The following CCNG2 variants were observed in gnomAD, a reference collection of about 807,000 sequenced individuals.
CCNG2 encodes the protein cyclin G2, also known as cyclin-G2.
In CCNG2, 20 loss-of-function variants were observed where a neutral mutation model predicts 36.5. The observed-to-expected ratio is 0.55, with a 90% CI of 0.39 to 0.80. CCNG2 has a LOEUF of 0.80. CCNG2 is among the 30% of genes least tolerant of loss of function. The pLI is 0.00. For synonymous variants in CCNG2, 155 were observed against 140.1 expected (o/e 1.11, Z -0.75); for missense variants, 358 against 390.8 (o/e 0.92, Z 0.71).
chr4:77,158,411 C>T (rs1337756896), intron 1 of CCNG2, 122 bp from the exon 2 acceptor site: 1 of 940,388 alleles, frequency 1.1e-6, no homozygotes, highest in Non-Finnish European at 1.7e-6. Flanking sequence ...GTCCCTTCAC[C>T]CGCTCCTTGT....
intron 7 of CCNG2, among the ~76,000 whole-genome samples, chr4:77,165,358 T>G: frequency 6.6e-6 from 1 of 152,214 alleles, no homozygotes; most frequent in East Asian, 1.9e-4. Context: ...AGTTATTAAT[T>G]GGTACAAGAA....
At chr4:77,162,526 G>T (rs1383835067) in intron 6 of CCNG2, among the ~76,000 whole-genome samples, 1 of 151,944 alleles carries the variant, frequency 6.6e-6, no homozygotes, top group African/African-American at 2.4e-5. Flanking sequence ...GGGGCTACAG[G>T]TGCTCACCAC....
At chr4:77,157,750 C>A (rs1577902365) in intron 1 of CCNG2, among the ~76,000 whole-genome samples, 1 of 152,082 alleles carries the variant, frequency 6.6e-6, no homozygotes, top group South Asian at 2.1e-4. Flanking sequence ...CGGTGCCCCC[C>A]GCCCCCGCTC....
Position 77,166,061 on chromosome 4 carries a change from A to G in CCNG2, c.*137A>G. 1 of 778,634 alleles carries G rather than the reference A, an allele frequency of 1.3e-6. No homozygotes were observed. The highest frequency in any genetic ancestry group is 2.1e-5 in the South Asian group (1 of 47,804). 48.2% of individuals were successfully genotyped at this position (778,634 alleles called of 1,614,324 possible). Reference sequence around the variant, plus strand: ...TACCTACCTTCTATTTGTTATTCAGATCAGATCTGGCCTATTTTCATATTT... The same window carrying G: ...TACCTACCTTCTATTTGTTATTCAGGTCAGATCTGGCCTATTTTCATATTT... On this transcript the variant is annotated 3_prime_UTR_variant, in exon 8 of 8. Transcript: ENST00000316355.
At chr4:77,161,876 C>T (rs1483246260) in intron 6 of CCNG2, 129 bp downstream of exon 6, 1 of 627,724 alleles carries the variant, frequency 1.6e-6, no homozygotes, top group Non-Finnish European at 2.7e-6. Context: ...TCTTATATCT[C>T]TAGTGTTAAA....
chr4:77,164,525 A>G, intron 7 of CCNG2, 46 bp downstream of exon 7: 1 of 1,391,666 alleles, frequency 7.2e-7, no homozygotes, highest in Non-Finnish European at 1.0e-6. Context: ...ACTAAATATT[A>G]CTGAGTTTAT....
chr4:77,164,310 G>A lies in CCNG2; in HGVS notation c.742G>A (p.Val248Ile). 6.2e-7 allele frequency: 1 copy of A among 1,613,978 alleles called. No individual in the cohort carries two copies. Among genetic ancestry groups the A allele is most frequent in the South Asian group, 1.1e-5 (1 of 91,080 alleles). ...DTEFFYWREL[V>I]SKCLAEYSSP... ...TGAGTTCTTCTACTGGAGAGAGTTG[G>A]TTTCTAAATGCCTAGCCGAGTATTC... Residue 248 changes from valine to isoleucine, a missense_variant, in exon 7 of 8, where the codon GTT becomes ATT. Val to Ile is a conservative substitution (Grantham distance 29). Coordinates refer to ENST00000316355, the MANE Select transcript of CCNG2 (RefSeq NM_004354.3).
In CCNG2 at chr4:77,157,274, G is replaced by A. The variant is rs2306410; in HGVS notation, c.-233G>A. 13,391 of 152,516 alleles carry A rather than the reference G, an allele frequency of 0.088. 674 individuals carry two copies. The highest frequency in any genetic ancestry group is 0.14 in the African/African-American group (5,898 of 41,518). The allele number at this position is 152,516 out of a possible 1,614,324, so 9.4% of individuals were successfully genotyped here. On this transcript the variant is annotated 5_prime_UTR_variant, in exon 1 of 8. Coordinates refer to ENST00000316355, the MANE Select transcript of CCNG2 (RefSeq NM_004354.3). ...GCGGCGGGGGTGCGGCGGTGGGCTG[G>A]TCTTCCGCGGCCGGCGTTGCGCCGC...
chr4:77,166,648 GT>G lies in CCNG2; in HGVS notation c.*728del, dbSNP rs1731641285. On this transcript the variant is annotated 3_prime_UTR_variant, in exon 8 of 8. Coordinates refer to ENST00000316355, the MANE Select transcript of CCNG2 (RefSeq NM_004354.3). ...TACTTTAAAAATCCATAATCTGCTA[GT>G]TTTGCATGTACTTATATGAAAACAG... is the stretch of plus-strand genomic sequence containing the variant. 6.6e-6 allele frequency: 1 copy of G among 152,124 alleles called. No individual in the cohort carries two copies. Among genetic ancestry groups the G allele is most frequent in the African/African-American group, 2.4e-5 (1 of 41,432 alleles). The allele number at this position is 152,124 out of a possible 1,614,324, so 9.4% of individuals were successfully genotyped here. A position where few individuals can be genotyped will look rare whatever the true frequency, so the allele number is the denominator to read the frequency against.
chr4:77,160,087 A>C (rs1032170079), intron 3 of CCNG2, among the ~76,000 whole-genome samples: 1 of 152,174 alleles, frequency 6.6e-6, no homozygotes, highest in Non-Finnish European at 1.5e-5. Flanking sequence ...CACTCTGCAC[A>C]ACTCGTGATA....
intron 1 of CCNG2, among the ~76,000 whole-genome samples, chr4:77,158,129 C>G (rs1258149373): frequency 6.6e-6 from 1 of 152,100 alleles, no homozygotes; most frequent in Non-Finnish European, 1.5e-5. Flanking sequence ...CCCCTCCCCC[C>G]TATTGTGCAA....
rs1474958677 is a variant in CCNG2 at position 77,165,838 on chromosome 4, A to C, written c.949A>C (p.Ser317Arg). ...TGAAGATATGAGTTGTGGAGAGGAG[A>C]GTCTCAGCAGCTCTCCTCCCAGTGA... ...SCEDMSCGEE[S>R]LSSSPPSDQE... The change falls in exon 8 of 8, where the codon AGT (serine) becomes CGT (arginine). Residue 317 changes from serine (S) to arginine (R), a missense_variant. Coordinates refer to ENST00000316355, the MANE Select transcript of CCNG2 (RefSeq NM_004354.3). The C allele has an allele frequency of 6.2e-7, 1 of 1,609,448 alleles. No homozygotes were observed. Among genetic ancestry groups the C allele is most frequent in the African/African-American group, 1.3e-5 (1 of 74,588 alleles).
Position 77,157,970 on chromosome 4 carries a change from G to A in CCNG2, c.-1+464G>A, listed in dbSNP as rs147270353. 5.2e-3 allele frequency among the ~76,000 whole-genome samples: 797 copies of A among 152,134 alleles called. 4 individuals carry two copies. The highest frequency in any genetic ancestry group is 7.5e-3 in the Non-Finnish European group (509 of 67,964). On this transcript the variant is annotated intron_variant, in intron 1 of 7. Transcript: ENST00000316355. Reference sequence around the variant, plus strand: ...CTGGGACGGGGGTATCCGCCTCTCGGGTAAGTCCGGAATCGGCGCTGCAGC... The same window carrying A: ...CTGGGACGGGGGTATCCGCCTCTCGAGTAAGTCCGGAATCGGCGCTGCAGC...
In CCNG2 at chr4:77,167,947, T is replaced by C. The variant is rs1440520919; in HGVS notation, c.*2023T>C. 2 of 152,230 alleles carry C rather than the reference T, an allele frequency of 1.3e-5. No homozygotes were observed. The highest frequency in any genetic ancestry group is 2.9e-5 in the Non-Finnish European group (2 of 68,042). The allele number at this position is 152,230 out of a possible 1,614,324, so 9.4% of individuals were successfully genotyped here. ...TGGGGCTTACCAAATCTCAAGACTC[T>C]CTTTAGCTCCTGCAGGATTGTATTG... On this transcript the variant is annotated 3_prime_UTR_variant, in exon 8 of 8. Coordinates refer to ENST00000316355, the MANE Select transcript of CCNG2 (RefSeq NM_004354.3).
intron 3 of CCNG2, among the ~76,000 whole-genome samples, chr4:77,159,843 A>C (rs560910877): frequency 6.6e-6 from 1 of 152,230 alleles, no homozygotes; most frequent in African/African-American, 2.4e-5. Flanking sequence ...CCAGATTTTT[A>C]AAATACTGAA....
rs747215815 is a variant in CCNG2, at chr4:77,164,490, TC to T, written c.911+13del. 1.7e-5 allele frequency: 28 copies of T among 1,605,168 alleles called. No homozygotes were observed. The East Asian group carries it at 6.1e-4, about 35-fold the overall frequency. On this transcript the variant is annotated intron_variant, in intron 7 of 7. Transcript: ENST00000316355. ...TGATGAAAGTGAAAGGTAGGCAGGTTCCTTGACTAATTAAACTTCCCTAGAC... is the reference window on the plus strand; with the variant it reads ...TGATGAAAGTGAAAGGTAGGCAGGTTCTTGACTAATTAAACTTCCCTAGAC...
Position 77,167,060 on chromosome 4 carries a change from A to G in CCNG2, c.*1136A>G, listed in dbSNP as rs2109925761. 1 of 152,322 alleles carries G rather than the reference A, an allele frequency of 6.6e-6. No homozygotes were observed. Among genetic ancestry groups the G allele is most frequent in the African/African-American group, 2.4e-5 (1 of 41,578 alleles). 9.4% of individuals were successfully genotyped at this position (152,322 alleles called of 1,614,324 possible). On this transcript the variant is annotated 3_prime_UTR_variant, in exon 8 of 8. Coordinates refer to ENST00000316355, the MANE Select transcript of CCNG2 (RefSeq NM_004354.3). ...GTGATAGTCTAGTCATTGCATGTAAATATAATTTATTATGTATTCTGTAGT... is the reference window on the plus strand; with the variant it reads ...GTGATAGTCTAGTCATTGCATGTAAGTATAATTTATTATGTATTCTGTAGT...
chr4:77,159,232 C>A, intron 2 of CCNG2, 135 bp from the exon 3 acceptor site: 1 of 700,160 alleles, frequency 1.4e-6, no homozygotes, highest in Non-Finnish European at 2.3e-6. Context: ...CTCTTTCCAC[C>A]TATATTCTTG....
rs1198987992 is a variant in CCNG2, at chr4:77,167,899, TTTG to T, written c.*1979_*1981del. The T allele has an allele frequency of 6.6e-6, 1 of 152,230 alleles. No individual in the cohort carries two copies. Among genetic ancestry groups the T allele is most frequent in the Non-Finnish European group, 1.5e-5 (1 of 68,042 alleles). 9.4% of individuals were successfully genotyped at this position (152,230 alleles called of 1,614,324 possible). ...AATATATTCTGCTTTCAGATTTTGA[TTTG>T]TTGAGATGTAAAAGTTGTTTGGGGC... On this transcript the variant is annotated 3_prime_UTR_variant, in exon 8 of 8. Transcript: ENST00000316355.
Sources: allele counts gnomAD v4.1 joint callset (sites outside exome capture counted in the v4.1 genomes callset), GRCh38; gene constraint gnomAD v4.1.1; transcripts MANE v1.5; gene names NCBI Gene and HGNC (gene_info 2026-07-23, HGNC 2026-07-21).